Variants in CRELD2 observed in about 807,000 individuals in gnomAD.
CRELD2 encodes CRELD disulfide isomerase 2.
In CRELD2, 33 loss-of-function variants were observed where a neutral mutation model predicts 48.1. The ratio of observed to expected loss-of-function variants is 0.69; its 90% confidence interval spans 0.52 to 0.92. The LOEUF (loss-of-function observed/expected upper bound fraction) is 0.92. Ranked by LOEUF, CRELD2 falls within the 40% of genes least tolerant of loss-of-function variation. The probability of loss-of-function intolerance (pLI) is 0.00; values close to 1 mark genes in which losing one functional copy is unlikely to be tolerated. For missense variants in CRELD2, 477 were observed against 482.4 expected (o/e 0.99, Z 0.10); for synonymous variants, 220 against 203.9 (o/e 1.08, Z -0.67).
At position 49,923,239 on chromosome 22, in the gene CRELD2, G is replaced by A. The variant is rs773387186; in HGVS notation, c.694G>A (p.Asp232Asn). The A allele has an allele frequency of 1.9e-6, 3 of 1,578,216 alleles. No individual in the cohort carries two copies. The highest frequency in any genetic ancestry group is 2.6e-6 in the Non-Finnish European group (3 of 1,163,196). ...VLDEGACVDV[D>N]ECAAEPPPCS... ...GCTGTGCCGCTCTGTTCCAGATGTG[G>A]ACGAGTGTGCGGCCGAGCCGCCTCC... Residue 232 changes from aspartate (D) to asparagine (N), a missense_variant, in exon 7 of 10, where the codon GAC (aspartate) becomes AAC (asparagine). Transcript: ENST00000328268.
At chr22:49,925,614 C>T (rs1233300946) in intron 9 of CRELD2, 57 bp downstream of exon 9, 21 of 1,602,310 alleles carry the variant, frequency 1.3e-5, no homozygotes, top group Non-Finnish European at 1.8e-5. Context: ...GCAGGGCTTG[C>T]ACGTAGACTG....
At chr22:49,927,197 C>T (rs2060777166) in intron 9 of CRELD2, 58 bp from the exon 10 acceptor site, 1 of 1,455,220 alleles carries the variant, frequency 6.9e-7, no homozygotes, top group Admixed American at 1.7e-5. Flanking sequence ...CTGGGAAAGG[C>T]CTCATCCCCA....
chr22:49,918,851 C>T lies in CRELD2; in HGVS notation c.82C>T (p.Pro28Ser). The part of the protein sequence containing the change: ...LPPAPEAAKK[P>S]TPCHRCRGLV... The stretch of plus-strand genomic sequence containing the variant: ...GCCCGCGCCGGAGGCCGCCAAGAAG[C>T]CGACGCCCTGCCACCGGTGCCGGGG... Residue 28 changes from proline to serine, a missense_variant, in exon 1 of 10, where the codon CCG becomes TCG. By Grantham distance (74) the Pro-to-Ser change is moderately conservative. Transcript: ENST00000328268. The T allele has an allele frequency of 7.6e-7, 1 of 1,320,542 alleles. No individual in the cohort carries two copies. The highest frequency in any genetic ancestry group is 9.6e-7 in the Non-Finnish European group (1 of 1,038,474). The allele number at this position is 1,320,542 out of a possible 1,614,324, so 81.8% of individuals were successfully genotyped here. A position where few individuals can be genotyped will look rare whatever the true frequency, so the allele number is the denominator to read the frequency against.
rs139359125 is a variant in CRELD2, at chr22:49,925,547, G to A, written c.999G>A (p.Pro333=). The A allele has an allele frequency of 4.8e-5, 78 of 1,613,438 alleles. 1 individual carries two copies. Among genetic ancestry groups the A allele is most frequent in the East Asian group, 2.2e-4 (10 of 44,894 alleles). Residue 333 remains proline, a synonymous_variant, in exon 9 of 10, where the codon CCG becomes CCA. Coordinates refer to ENST00000328268, the MANE Select transcript of CRELD2 (RefSeq NM_024324.5). ...AAACGGAAGATGCCTGTGTGCCGCC[G>A]GCAGAGGCTGGTGAGTGGCACGGCT... The part of the protein sequence containing the change: ...FEETEDACVP[P]AEAEATEGES...
chr22:49,923,684 T>G, intron 7 of CRELD2: 1 of 385,212 alleles, frequency 2.6e-6, no homozygotes, highest in Non-Finnish European at 4.8e-6. Context: ...TCTGTCACGC[T>G]AATGATTTTG....
At chr22:49,922,549 G>A in intron 5 of CRELD2, 63 bp from the exon 6 acceptor site, 3 of 1,486,260 alleles carry the variant, frequency 2.0e-6, no homozygotes, top group Non-Finnish European at 2.7e-6. Context: ...TTTTAAACGA[G>A]CCTTGTCCCC....
chr22:49,919,435 G>T (rs1345356493), intron 2 of CRELD2, 123 bp downstream of exon 2: 9 of 869,788 alleles, frequency 1.0e-5, no homozygotes, highest in Admixed American at 2.1e-5. Context: ...CCAGTCACCC[G>T]TCCGAGTCAC....
chr22:49,918,785 CGGGCCGCGCT>C lies in CRELD2; in HGVS notation c.20_29del (p.Ala7GlyfsTer85). 1 of 1,282,342 alleles carries C rather than the reference CGGGCCGCGCT, an allele frequency of 7.8e-7. No individual in the cohort carries two copies. The highest frequency in any genetic ancestry group is 9.9e-7 in the Non-Finnish European group (1 of 1,005,632). The allele number at this position is 1,282,342 out of a possible 1,614,324, so 79.4% of individuals were successfully genotyped here. A position where few individuals can be genotyped will look rare whatever the true frequency, so the allele number is the denominator to read the frequency against. ...GCTACCCGCCATGCGCCTGCCGCGC[CGGGCCGCGCT>C]GGGGCTCCTGCCGCTTCTGCTGCTG... On this transcript the variant is annotated frameshift_variant, in exon 1 of 10. Coordinates refer to ENST00000328268, the MANE Select transcript of CRELD2 (RefSeq NM_024324.5). LOFTEE classifies it high-confidence loss of function.
intron 4 of CRELD2, among the ~76,000 whole-genome samples, chr22:49,921,003 G>C (rs544680404): frequency 6.6e-6 from 1 of 152,372 alleles, no homozygotes; most frequent in African/African-American, 2.4e-5. Flanking sequence ...ACGACCAGGC[G>C]TGTTCTGAGA....
intron 8 of CRELD2, 36 bp from the exon 9 acceptor site, chr22:49,925,381 C>G: frequency 7.3e-7 from 1 of 1,377,182 alleles, no homozygotes; most frequent in Non-Finnish European, 1.0e-6. Context: ...GTCTGCTGAG[C>G]AAAGTAATTA....
rs535664445 is a variant in CRELD2, at chr22:49,923,038, C to T, written c.689-196C>T. On this transcript the variant is annotated intron_variant, in intron 6 of 9. Coordinates refer to ENST00000328268, the MANE Select transcript of CRELD2 (RefSeq NM_024324.5). ...TGAGTGTCTAAGGACAGGGCCTGGC[C>T]ATCGCCTCATCCCCTCCCCTGCCGC... 4.6e-5 allele frequency among the ~76,000 whole-genome samples: 7 copies of T among 151,946 alleles called. No homozygotes were observed. The East Asian group carries it at 1.4e-3, about 29-fold the overall frequency.
intron 7 of CRELD2, 72 bp downstream of exon 7, chr22:49,923,389 A>T: frequency 1.7e-6 from 2 of 1,188,696 alleles, no homozygotes; most frequent in South Asian, 2.5e-5. Flanking sequence ...ACATTCATTT[A>T]TGGCTTCTTA....
chr22:49,919,070 C>T (rs2060647925), intron 1 of CRELD2, among the ~76,000 whole-genome samples, 160 bp from the exon 2 acceptor site: 1 of 145,618 alleles, frequency 6.9e-6, no homozygotes, highest in Non-Finnish European at 1.5e-5. Flanking sequence ...CCACCGTGGT[C>T]CTGGAGTCCC....
Position 49,921,768 on chromosome 22 carries a change from G to C in CRELD2, c.592+7G>C. On this transcript the variant is annotated splice_region_variant and intron_variant, in intron 5 of 9. Transcript: ENST00000328268. Reference sequence around the variant, plus strand: ...ACCCACAGCATCTGCACAGGTACGGGCTACGCCTGGGCTGGCCCCGGGGTT... The same window carrying C: ...ACCCACAGCATCTGCACAGGTACGGCCTACGCCTGGGCTGGCCCCGGGGTT... 1 of 1,602,976 alleles carries C rather than the reference G, an allele frequency of 6.2e-7. No homozygotes were observed. Among genetic ancestry groups the C allele is most frequent in the Non-Finnish European group, 8.5e-7 (1 of 1,172,730 alleles).
intron 8 of CRELD2, 154 bp from the exon 9 acceptor site, chr22:49,925,263 T>C: frequency 1.7e-6 from 1 of 589,702 alleles, no homozygotes; most frequent in South Asian, 2.2e-5. Flanking sequence ...TTCTTCCCTC[T>C]CGAAGCCTTT....
Position 49,927,350 on chromosome 22 carries a change from T to C in CRELD2, c.*43T>C, listed in dbSNP as rs1257414434. 1.3e-6 allele frequency: 2 copies of C among 1,556,836 alleles called. No individual in the cohort carries two copies. Among genetic ancestry groups the C allele is most frequent in the Non-Finnish European group, 1.8e-6 (2 of 1,129,418 alleles). ...TTAAATTATTCAGAAGGATGTCCCG[T>C]GGAAAATGTGGCCCTGAGGATGCCG... On this transcript the variant is annotated 3_prime_UTR_variant, in exon 10 of 10. Transcript: ENST00000328268.
At chr22:49,919,498 C>G (rs1808420201) in intron 2 of CRELD2, among the ~76,000 whole-genome samples, 186 bp downstream of exon 2, 1 of 152,252 alleles carries the variant, frequency 6.6e-6, no homozygotes, top group Non-Finnish European at 1.5e-5. Flanking sequence ...CTTCCAGCTT[C>G]TGCTCTGGTC....
chr22:49,919,443 C>T lies in CRELD2; in HGVS notation c.212+131C>T, dbSNP rs12159896. ...CGAGGCACCAGTCACCCGTCCGAGT[C>T]ACCTCGGCTTCTCCCTGAGGACTAA... On this transcript the variant is annotated intron_variant, in intron 2 of 9. Transcript: ENST00000328268. The T allele has an allele frequency of 1.1e-5, 9 of 813,760 alleles. 1 individual carries two copies. The African/African-American group carries it at 1.2e-4, about 11-fold the overall frequency. 50.4% of individuals were successfully genotyped at this position (813,760 alleles called of 1,614,324 possible).
intron 7 of CRELD2, chr22:49,923,636 A>G (rs2060726645): frequency 2.0e-6 from 1 of 487,826 alleles, no homozygotes; most frequent in African/African-American, 2.0e-5. Flanking sequence ...TTTTCCACTC[A>G]GCAGCTTGTT....
Sources: allele counts gnomAD v4.1 joint callset (sites outside exome capture counted in the v4.1 genomes callset), GRCh38; gene constraint gnomAD v4.1.1; transcripts MANE v1.5; gene names NCBI Gene and HGNC (gene_info 2026-07-23, HGNC 2026-07-21).